Variants in PSG2 observed in about 807,000 individuals in gnomAD.
PSG2 encodes pregnancy specific beta-1-glycoprotein 2.
Under a neutral mutation model 36.2 loss-of-function variants are expected in PSG2, and 49 were observed. That is an observed-to-expected ratio of 1.35 (90% CI 1.08 to 1.72). PSG2 has a LOEUF of 1.72. Among genes scored for constraint, PSG2 ranks in the 40% most tolerant of loss-of-function variants. PSG2 has a pLI of 0.00. For synonymous variants in PSG2, 261 were observed against 155.6 expected, an observed-to-expected ratio of 1.68 and a Z score of -5.04; for missense variants, 605 against 407.2, an observed-to-expected ratio of 1.49 and a Z score of -4.18.
intron 2 of PSG2, among the ~76,000 whole-genome samples, chr19:43,079,995 A>G (rs1350738829): frequency 6.6e-6 from 1 of 151,688 alleles, no homozygotes; most frequent in Non-Finnish European, 1.5e-5. Context: ...TGGCAAATGG[A>G]CTGTGGCTTT....
At chr19:43,073,371 T>C (rs1967846521) in intron 3 of PSG2, among the ~76,000 whole-genome samples, 2 of 151,756 alleles carry the variant, frequency 1.3e-5, no homozygotes, top group South Asian at 4.1e-4. Context: ...TTGGGTTCTT[T>C]AAGTTTCCTC....
At chr19:43,074,013 G>C (rs1967855605) in intron 3 of PSG2, among the ~76,000 whole-genome samples, 1 of 151,530 alleles carries the variant, frequency 6.6e-6, no homozygotes, top group Admixed American at 6.6e-5. Flanking sequence ...CACGTTTCTG[G>C]CTTGGTGATT....
chr19:43,080,713 G>A lies in PSG2; in HGVS notation c.430+168C>T, dbSNP rs530037178. Among the ~76,000 whole-genome samples, 12 of 151,630 alleles carry A rather than the reference G, an allele frequency of 7.9e-5. 1 individual carries two copies. Among genetic ancestry groups the A allele is most frequent in the African/African-American group, 2.4e-4 (10 of 41,032 alleles). On this transcript the variant is annotated intron_variant, in intron 2 of 5. Transcript: ENST00000406487. ...GGATGCGGGAAAGGAATTCTGATCTGTTGAAATGTGTCTCCTCTGTGTGTG... is the reference window on the plus strand; with the variant it reads ...GGATGCGGGAAAGGAATTCTGATCTATTGAAATGTGTCTCCTCTGTGTGTG...
At chr19:43,076,702 T>A (rs1204162994) in intron 2 of PSG2, among the ~76,000 whole-genome samples, 1 of 151,650 alleles carries the variant, frequency 6.6e-6, no homozygotes, top group Non-Finnish European at 1.5e-5. Context: ...TCTGTGGGTG[T>A]GCGGTTCCAG....
rs372843022 is a variant in PSG2 at position 43,080,987 on chromosome 19, C to A, written c.324G>T (p.Leu108=). The change falls in exon 2 of 6, where the codon CTG becomes CTT. Residue 108 remains leucine (L), a synonymous_variant. Transcript: ENST00000406487. ...CGTCCTCCCGGGTGACATTCTGGAT[C>A]AGCAGGGATGCATTGGAATATGCTG... ...RETAYSNASL[L]IQNVTREDAG... 2 of 1,613,118 alleles carry A rather than the reference C, an allele frequency of 1.2e-6. No individual in the cohort carries two copies. The highest frequency in any genetic ancestry group is 2.2e-5 in the South Asian group (2 of 91,038).
chr19:43,066,210 G>A (rs1967737396), intron 5 of PSG2, among the ~76,000 whole-genome samples: 1 of 151,714 alleles, frequency 6.6e-6, no homozygotes, highest in Non-Finnish European at 1.5e-5. Context: ...TGGGAATGGA[G>A]AGAATTACAC....
intron 3 of PSG2, among the ~76,000 whole-genome samples, chr19:43,073,548 T>A (rs980160634): frequency 6.6e-5 from 10 of 151,342 alleles, no homozygotes; most frequent in Non-Finnish European, 1.2e-4. Flanking sequence ...TGGAGAGAAG[T>A]TTTTCAAATA....
At chr19:43,068,237 C>A (rs1173208654) in intron 4 of PSG2, among the ~76,000 whole-genome samples, 2 of 151,226 alleles carry the variant, frequency 1.3e-5, no homozygotes, top group Non-Finnish European at 2.9e-5. Context: ...GGTGTTTGGA[C>A]CAGCATAGGT....
intron 5 of PSG2, among the ~76,000 whole-genome samples, chr19:43,065,142 C>T (rs776602353): frequency 2.0e-5 from 3 of 151,694 alleles, no homozygotes; most frequent in Non-Finnish European, 2.9e-5. Context: ...GCCTAGAATA[C>T]TCATATTATT....
intron 4 of PSG2, among the ~76,000 whole-genome samples, chr19:43,067,332 T>A (rs1287746517): frequency 2.6e-5 from 4 of 151,394 alleles, no homozygotes; most frequent in African/African-American, 4.9e-5. Context: ...CTTGGATGCA[T>A]CTCAGTTGGT....
chr19:43,068,261 G>A (rs1568510811), intron 4 of PSG2, among the ~76,000 whole-genome samples: 3 of 151,148 alleles, frequency 2.0e-5, no homozygotes, highest in Non-Finnish European at 2.9e-5. Flanking sequence ...CTGGGGAGAC[G>A]CTGTGTGTAC....
At chr19:43,080,118 G>C (rs118136898) in intron 2 of PSG2, among the ~76,000 whole-genome samples, 1 of 151,776 alleles carries the variant, frequency 6.6e-6, no homozygotes, top group African/African-American at 2.4e-5. Context: ...CCATGAGAAA[G>C]CACCGTTACA....
At chr19:43,079,305 G>A (rs1229269737) in intron 2 of PSG2, among the ~76,000 whole-genome samples, 1 of 151,404 alleles carries the variant, frequency 6.6e-6, no homozygotes, top group African/African-American at 2.4e-5. Flanking sequence ...AGAACCCTCT[G>A]GTGGCCAAAG....
Position 43,081,233 on chromosome 19 carries a change from G to T in PSG2, c.78C>A (p.Asn26Lys). 1 of 1,612,088 alleles carries T rather than the reference G, an allele frequency of 6.2e-7. No individual in the cohort carries two copies. The highest frequency in any genetic ancestry group is 8.5e-7 in the Non-Finnish European group (1 of 1,179,358). Reference sequence around the variant, plus strand: ...GGGCAGTGGTGGGCAGGTTCCAGAAGTTTAAAAGTGATGCTAGGAGGTGGA... The same window carrying T: ...GGGCAGTGGTGGGCAGGTTCCAGAATTTTAAAAGTGATGCTAGGAGGTGGA... Reference protein sequence around the residue: ...KGLLVTASLLNFWNLPTTAQV... With the variant: ...KGLLVTASLLKFWNLPTTAQV... The change falls in exon 2 of 6, where the codon AAC (asparagine) becomes AAA (lysine). Residue 26 changes from asparagine to lysine, a missense_variant. Physicochemically the swap from Asn to Lys is moderately conservative, Grantham distance 94. Coordinates refer to ENST00000406487, the MANE Select transcript of PSG2 (RefSeq NM_031246.4).
At chr19:43,067,377 T>G (rs1228614651) in intron 4 of PSG2, among the ~76,000 whole-genome samples, 1 of 151,206 alleles carries the variant, frequency 6.6e-6, no homozygotes, top group Non-Finnish European at 1.5e-5. Flanking sequence ...TCTTTGCCCT[T>G]AGCTTTTTTT....
intron 3 of PSG2, among the ~76,000 whole-genome samples, chr19:43,074,460 G>A (rs919834245): frequency 1.3e-5 from 2 of 151,710 alleles, no homozygotes; most frequent in African/African-American, 4.9e-5. Flanking sequence ...TGATGTTAAT[G>A]TGAATTGAAT....
intron 2 of PSG2, among the ~76,000 whole-genome samples, chr19:43,079,529 C>T (rs971748131): frequency 4.6e-5 from 7 of 151,544 alleles, no homozygotes; most frequent in African/African-American, 1.5e-4. Context: ...GTGTGTGTGT[C>T]TCTCACTGGG....
chr19:43,077,109 A>G (rs1177153170), intron 2 of PSG2, among the ~76,000 whole-genome samples: 1 of 151,712 alleles, frequency 6.6e-6, no homozygotes, highest in African/African-American at 2.4e-5. Flanking sequence ...ATGTTTTCAT[A>G]AGTGGAAATT....
At chr19:43,075,854 G>A (rs1967888388) in intron 2 of PSG2, among the ~76,000 whole-genome samples, 1 of 151,540 alleles carries the variant, frequency 6.6e-6, no homozygotes, top group African/African-American at 2.4e-5. Flanking sequence ...TCTCAGGTGT[G>A]TATTGAGCAG....
Sources: allele counts gnomAD v4.1 joint callset (sites outside exome capture counted in the v4.1 genomes callset), GRCh38; gene constraint gnomAD v4.1.1; transcripts MANE v1.5; gene names NCBI Gene and HGNC (gene_info 2026-07-23, HGNC 2026-07-21).